Variants in TSHZ2 observed in about 807,000 individuals in gnomAD.
TSHZ2 encodes teashirt zinc finger homeobox 2.
Under a neutral mutation model 74.4 loss-of-function variants are expected in TSHZ2, and 21 were observed. The observed-to-expected ratio is 0.28, with a 90% CI of 0.20 to 0.41. TSHZ2 has a LOEUF of 0.41. Ranked by LOEUF, TSHZ2 falls within the 10% of genes least tolerant of loss-of-function variation. TSHZ2 has a pLI of 1.00. For synonymous variants in TSHZ2, 540 were observed against 515.3 expected, an observed-to-expected ratio of 1.05 and a Z score of -0.65; for missense variants, 1,244 against 1,293.5, an observed-to-expected ratio of 0.96 and a Z score of 0.59.
chr20:53,264,713 A>G (rs1385091305), intron 2 of TSHZ2, among the ~76,000 whole-genome samples: 1 of 152,132 alleles, frequency 6.6e-6, no homozygotes, highest in Non-Finnish European at 1.5e-5. Flanking sequence ...CCTTCAAGTT[A>G]TTGTTCCGTG....
chr20:53,115,586 T>C (rs1240959892), intron 1 of TSHZ2, among the ~76,000 whole-genome samples: 2 of 152,158 alleles, frequency 1.3e-5, no homozygotes, highest in African/African-American at 4.8e-5. Flanking sequence ...ATTAGCAGCA[T>C]GAGAACAGAC....
chr20:53,087,193 A>G (rs1322477508), intron 1 of TSHZ2, among the ~76,000 whole-genome samples: 2 of 152,210 alleles, frequency 1.3e-5, no homozygotes, highest in Non-Finnish European at 2.9e-5. Flanking sequence ...GGTCAACCAA[A>G]AAAGGGAAAT....
intron 2 of TSHZ2, among the ~76,000 whole-genome samples, chr20:53,331,023 G>C (rs979893562): frequency 6.6e-6 from 1 of 152,212 alleles, no homozygotes; most frequent in African/African-American, 2.4e-5. Context: ...TCAGCCTGCT[G>C]TGAATTATAT....
intron 1 of TSHZ2, among the ~76,000 whole-genome samples, chr20:53,129,766 C>T (rs928176109): frequency 3.3e-5 from 5 of 152,082 alleles, no homozygotes; most frequent in African/African-American, 1.2e-4. Context: ...CTTCTCCCCT[C>T]CCGTGCCTTG....
At chr20:53,058,376 C>T (rs1984711872) in intron 1 of TSHZ2, among the ~76,000 whole-genome samples, 1 of 152,238 alleles carries the variant, frequency 6.6e-6, no homozygotes, top group African/African-American at 2.4e-5. Context: ...CTTGATAAAT[C>T]TACCTAGTCA....
At chr20:53,101,297 G>A (rs750096483) in intron 1 of TSHZ2, among the ~76,000 whole-genome samples, 20 of 152,090 alleles carry the variant, frequency 1.3e-4, no homozygotes, top group Middle Eastern at 3.4e-3. Context: ...TGTTCAGATC[G>A]TCACCAAAAT....
intron 2 of TSHZ2, among the ~76,000 whole-genome samples, chr20:53,267,144 C>A (rs1231737594): frequency 6.6e-6 from 1 of 152,176 alleles, no homozygotes; most frequent in African/African-American, 2.4e-5. Flanking sequence ...ACCTATGAGG[C>A]TGCAAGGGCC....
At chr20:53,006,187 C>T (rs1982637101) in intron 1 of TSHZ2, among the ~76,000 whole-genome samples, 2 of 152,212 alleles carry the variant, frequency 1.3e-5, no homozygotes, top group South Asian at 4.1e-4. Flanking sequence ...CCCAGACAGA[C>T]TCACAGAATT....
At chr20:53,452,103 A>T (rs1284563815) in intron 2 of TSHZ2, among the ~76,000 whole-genome samples, 1 of 152,256 alleles carries the variant, frequency 6.6e-6, no homozygotes, top group African/African-American at 2.4e-5. Flanking sequence ...ACCCCAGATG[A>T]CTAATGAAGG....
Position 53,450,464 on chromosome 20 carries a change from T to A in TSHZ2, c.*9-36680T>A, listed in dbSNP as rs144629488. Among the ~76,000 whole-genome samples, 6 of 152,354 alleles carry A rather than the reference T, an allele frequency of 3.9e-5. 1 individual carries two copies. The highest frequency in any genetic ancestry group is 1.4e-4 in the African/African-American group (6 of 41,592). ...TGAGCCATTTGCCTTTATTCTATTA[T>A]TGTTTATGATTTCATAAGGCATTAT... On this transcript the variant is annotated intron_variant, in intron 2 of 2. Transcript: ENST00000371497.
At chr20:53,389,912 G>A (rs561377542) in intron 2 of TSHZ2, among the ~76,000 whole-genome samples, 63 of 152,294 alleles carry the variant, frequency 4.1e-4, no homozygotes, top group African/African-American at 1.4e-3. Flanking sequence ...AAGCCTTTTC[G>A]TCTAGACCAT....
chr20:53,435,268 T>C (rs1266392969), intron 2 of TSHZ2, among the ~76,000 whole-genome samples: 1 of 152,188 alleles, frequency 6.6e-6, no homozygotes, highest in African/African-American at 2.4e-5. Flanking sequence ...TGCTAATGGA[T>C]GCAAAGACAA....
chr20:53,063,369 T>C (rs1350566844), intron 1 of TSHZ2, among the ~76,000 whole-genome samples: 2 of 152,216 alleles, frequency 1.3e-5, no homozygotes, highest in Non-Finnish European at 2.9e-5. Flanking sequence ...TTTGCCTATA[T>C]ATTACATATG....
chr20:53,103,264 C>T (rs993439918), intron 1 of TSHZ2, among the ~76,000 whole-genome samples: 11 of 152,064 alleles, frequency 7.2e-5, no homozygotes, highest in Admixed American at 2.6e-4. Context: ...TTCCTGTATC[C>T]GAGCAAAAAT....
At chr20:53,367,568 C>G (rs1246392382) in intron 2 of TSHZ2, among the ~76,000 whole-genome samples, 1 of 151,832 alleles carries the variant, frequency 6.6e-6, no homozygotes, top group African/African-American at 2.4e-5. Context: ...TTTCTTCTCC[C>G]ATTTTCTTAT....
intron 1 of TSHZ2, among the ~76,000 whole-genome samples, chr20:53,041,213 C>T (rs1287968267): frequency 1.3e-5 from 2 of 152,302 alleles, no homozygotes; most frequent in South Asian, 2.1e-4. Context: ...GCCGGGGAGG[C>T]CTTGGCGTTG....
At chr20:53,041,303 C>A (rs1185118128) in intron 1 of TSHZ2, among the ~76,000 whole-genome samples, 1 of 152,224 alleles carries the variant, frequency 6.6e-6, no homozygotes, top group Non-Finnish European at 1.5e-5. Context: ...CTGGAAACTT[C>A]TATTCTCAGG....
Position 53,256,188 on chromosome 20 carries a change from G to A in TSHZ2, c.2730G>A (p.Thr910=), listed in dbSNP as rs372585322. The change falls in exon 2 of 3, where the codon ACG becomes ACA. Residue 910 remains threonine (T), a synonymous_variant. Transcript: ENST00000371497. The surrounding 1 kb of genome is among the most constrained non-coding windows in gnomAD (Gnocchi z 4.3). Reference sequence around the variant, plus strand: ...ACGTCAAGTACCAGCTTAGGAAAACGGGCGGGACAAAATTTCTGAAAAACA... The same window carrying A: ...ACGTCAAGTACCAGCTTAGGAAAACAGGCGGGACAAAATTTCTGAAAAACA... ...LANVKYQLRK[T]GGTKFLKNMD... The A allele has an allele frequency of 1.6e-4, 261 of 1,612,672 alleles. 2 individuals are homozygous for A. In the South Asian group the frequency reaches 2.3e-3, roughly 14 times the overall value.
chr20:53,161,027 A>G (rs1225728382), intron 1 of TSHZ2, among the ~76,000 whole-genome samples: 2 of 116,092 alleles, frequency 1.7e-5, no homozygotes, highest in East Asian at 5.3e-4. Context: ...AAACAGCAAA[A>G]TGTTTGGGGT....
Sources: allele counts gnomAD v4.1 joint callset (sites outside exome capture counted in the v4.1 genomes callset), GRCh38; gene constraint gnomAD v4.1.1; non-coding constraint Gnocchi (gnomAD v3.1); transcripts MANE v1.5; gene names NCBI Gene and HGNC (gene_info 2026-07-23, HGNC 2026-07-21).